SLC16A12: variants seen among roughly 807,000 people sequenced by gnomAD.
SLC16A12 encodes monocarboxylate transporter 12.
A neutral mutation model predicts 42.4 loss-of-function variants in SLC16A12; 17 were observed. The observed-to-expected ratio is 0.40, with a 90% CI of 0.27 to 0.60. SLC16A12 has a LOEUF of 0.60. SLC16A12 is among the 20% of genes least tolerant of loss of function. SLC16A12 has a pLI of 0.42. For synonymous variants in SLC16A12, 224 were observed against 229.4 expected (o/e 0.98, Z 0.21); for missense variants, 544 against 623.0 (o/e 0.87, Z 1.35).
chr10:89,526,384 T>C (rs975961348), intron 2 of SLC16A12, among the ~76,000 whole-genome samples: 3 of 152,208 alleles, frequency 2.0e-5, no homozygotes, highest in Admixed American at 6.5e-5. Context: ...TGAGTCCCTA[T>C]ACTGATAACT....
intron 2 of SLC16A12, among the ~76,000 whole-genome samples, chr10:89,486,591 CAAAA>C (rs374359325): frequency 1.9e-3 from 81 of 42,846 alleles, no homozygotes; most frequent in East Asian, 5.2e-3. Flanking sequence ...AACCTTGTCT[CAAAA>C]AAAAAAAAAA....
rs557918646 is a variant in SLC16A12, at chr10:89,515,537, G to A, written c.-47+18964C>T. ...AGGCACAGTAGAAGTTCCACTTGTCGAAACTGAAGATAAGTGCAGTTCCAG... is the reference window on the plus strand; with the variant it reads ...AGGCACAGTAGAAGTTCCACTTGTCAAAACTGAAGATAAGTGCAGTTCCAG... On this transcript the variant is annotated intron_variant, in intron 2 of 7. Coordinates refer to ENST00000371790, the MANE Select transcript of SLC16A12 (RefSeq NM_213606.4). Among the ~76,000 whole-genome samples, 15 of 152,202 alleles carry A rather than the reference G, an allele frequency of 9.9e-5. No homozygotes were observed. The East Asian group carries it at 1.2e-3, about 12-fold the overall frequency.
At chr10:89,536,042 A>C (rs1249540375), upstream of SLC16A12, among the ~76,000 whole-genome samples, 1 of 152,154 alleles carries the variant, frequency 6.6e-6, no homozygotes, top group East Asian at 1.9e-4. Context: ...GGCGCAGCGG[A>C]GGAGGGACGT....
intron 2 of SLC16A12, among the ~76,000 whole-genome samples, chr10:89,554,640 T>C (rs577771250): frequency 7.9e-5 from 12 of 152,274 alleles, no homozygotes; most frequent in African/African-American, 1.2e-4. Context: ...TGTTGACTTT[T>C]AGATGACATA....
chr10:89,553,878 C>T (rs1026045372), intron 2 of SLC16A12, among the ~76,000 whole-genome samples: 15 of 151,774 alleles, frequency 9.9e-5, no homozygotes, highest in East Asian at 7.7e-4. Flanking sequence ...TGCCTGTAAT[C>T]GCAGCTACTT....
intron 2 of SLC16A12, among the ~76,000 whole-genome samples, chr10:89,543,105 T>C (rs1272435023): frequency 6.6e-6 from 1 of 152,222 alleles, no homozygotes; most frequent in Non-Finnish European, 1.5e-5. Context: ...TTGAAAGGCA[T>C]TTACAAAAGA....
chr10:89,467,080 A>G (rs1842413737), intron 2 of SLC16A12, among the ~76,000 whole-genome samples: 1 of 152,354 alleles, frequency 6.6e-6, no homozygotes, highest in East Asian at 1.9e-4. Context: ...GTACCAGTAA[A>G]AAAAGGCACA....
chr10:89,431,537 A>T lies in SLC16A12; in HGVS notation c.*1527T>A, dbSNP rs1278797777. ...TCTTGCGGAGCATACACATTAACTC[A>T]GGATCATCCTCATTGCTGTTTTTTT... On this transcript the variant is annotated 3_prime_UTR_variant, in exon 8 of 8. Coordinates refer to ENST00000371790, the MANE Select transcript of SLC16A12 (RefSeq NM_213606.4). The T allele has an allele frequency of 6.6e-6, 1 of 152,250 alleles. No homozygotes were observed. The allele number at this position is 152,250 out of a possible 1,614,324, so 9.4% of individuals were successfully genotyped here.
intron 2 of SLC16A12, among the ~76,000 whole-genome samples, chr10:89,547,970 A>T (rs1396417305): frequency 2.3e-4 from 34 of 148,228 alleles, no homozygotes; most frequent in Admixed American, 5.4e-4. Context: ...CCTGGGCAAA[A>T]AAAAAAAAAA....
At chr10:89,435,992 G>C (rs1841777776) in intron 7 of SLC16A12, 68 bp downstream of exon 7, 3 of 1,599,520 alleles carry the variant, frequency 1.9e-6, no homozygotes, top group African/African-American at 1.3e-5. Flanking sequence ...GACTGCATGT[G>C]GGTTTGCTGT....
At chr10:89,555,504 C>CGT (rs1843805495) in intron 2 of SLC16A12, among the ~76,000 whole-genome samples, 1 of 138,578 alleles carries the variant, frequency 7.2e-6, no homozygotes, top group Non-Finnish European at 1.6e-5. Flanking sequence ...TACGTATATA[C>CGT]GTATATATAT....
At chr10:89,482,387 G>A (rs1320630240) in intron 2 of SLC16A12, among the ~76,000 whole-genome samples, 1 of 152,154 alleles carries the variant, frequency 6.6e-6, no homozygotes, top group East Asian at 1.9e-4. Context: ...CAAGTTTGAG[G>A]TCATGGGTTT....
intron 1 of SLC16A12, among the ~76,000 whole-genome samples, chr10:89,556,227 T>C (rs1043260264): frequency 1.3e-5 from 2 of 152,148 alleles, no homozygotes; most frequent in African/African-American, 4.8e-5. Flanking sequence ...GGGTACTCCA[T>C]TGATAAATAA....
At chr10:89,454,685 C>T (rs1328054977) in intron 3 of SLC16A12, among the ~76,000 whole-genome samples, 2 of 151,852 alleles carry the variant, frequency 1.3e-5, no homozygotes, top group Non-Finnish European at 2.9e-5. Flanking sequence ...CTCCCAACCT[C>T]CCACATTCTT....
At position 89,458,495 on chromosome 10, in the gene SLC16A12, T is replaced by G. The variant is rs1323338464; in HGVS notation, c.200+3884A>C. 3.3e-5 allele frequency among the ~76,000 whole-genome samples: 5 copies of G among 152,182 alleles called. No homozygotes were observed. In the East Asian group the frequency reaches 9.6e-4, roughly 29 times the overall value. On this transcript the variant is annotated intron_variant, in intron 3 of 7. Coordinates refer to ENST00000371790, the MANE Select transcript of SLC16A12 (RefSeq NM_213606.4). The stretch of plus-strand genomic sequence containing the variant: ...CTCCCTTAGTTATCCAATTGAAAGA[T>G]TTGGCATAAGCGCACCAACTATAAT...
At chr10:89,451,573 G>A (rs1373543165) in intron 3 of SLC16A12, among the ~76,000 whole-genome samples, 2 of 151,930 alleles carry the variant, frequency 1.3e-5, no homozygotes, top group East Asian at 1.9e-4. Flanking sequence ...CACCATGCCC[G>A]GCTAATTTTT....
chr10:89,468,624 A>C (rs1250607799), intron 2 of SLC16A12, among the ~76,000 whole-genome samples: 2 of 152,250 alleles, frequency 1.3e-5, no homozygotes, highest in Admixed American at 1.3e-4. Flanking sequence ...ATGGCTGTTC[A>C]CAAAACAACG....
chr10:89,543,832 C>CA lies in SLC16A12; in HGVS notation c.-47+12049dup, dbSNP rs532405351. On this transcript the variant is annotated intron_variant, in intron 2 of 2. Coordinates refer to the SLC16A12 transcript ENST00000475682. ...CCTGGGCAACACAGCAAGACCTTGT[C>CA]AAAAAAAAAATGGATAAATGGATAA... Among the ~76,000 whole-genome samples the CA allele has an allele frequency of 1.1e-3, 157 of 146,544 alleles. 1 individual carries two copies. Among genetic ancestry groups the CA allele is most frequent in the Middle Eastern group, 3.5e-3 (1 of 286 alleles).
At chr10:89,480,008 A>G (rs1351705191) in intron 2 of SLC16A12, among the ~76,000 whole-genome samples, 5 of 152,234 alleles carry the variant, frequency 3.3e-5, no homozygotes, top group Admixed American at 6.5e-5. Flanking sequence ...AAGGAGGCTT[A>G]TAAGAGGCCC....
Sources: allele counts gnomAD v4.1 joint callset (sites outside exome capture counted in the v4.1 genomes callset), GRCh38; gene constraint gnomAD v4.1.1; transcripts MANE v1.5; gene names NCBI Gene and HGNC (gene_info 2026-07-23, HGNC 2026-07-21).